Variants in TOP6BL observed in about 807,000 individuals in gnomAD.
TOP6BL encodes the protein TOP6B like initiator of meiotic double strand breaks, also known as type 2 DNA topoisomerase 6 subunit B-like.
At chr11:66,791,589 A>C in the TOP6BL span, among the ~76,000 whole-genome samples, 1 of 152,194 alleles carries the variant, frequency 6.6e-6, no homozygotes, top group Non-Finnish European at 1.5e-5. Flanking sequence ...ATTTGAAAAC[A>C]TACTTCTATA....
chr11:66,764,579 C>T, the TOP6BL span, among the ~76,000 whole-genome samples: 1 of 150,678 alleles, frequency 6.6e-6, no homozygotes, highest in East Asian at 1.9e-4. Context: ...GCAGGAGAAT[C>T]GCTTGAACCT....
At chr11:66,746,749 G>A in the TOP6BL span, among the ~76,000 whole-genome samples, 1 of 151,530 alleles carries the variant, frequency 6.6e-6, no homozygotes, top group Non-Finnish European at 1.5e-5. Flanking sequence ...GGTGGCAGGC[G>A]GCTGCACTTC....
the TOP6BL span, among the ~76,000 whole-genome samples, chr11:66,842,545 T>C: frequency 3.9e-5 from 6 of 152,228 alleles, no homozygotes; most frequent in East Asian, 3.9e-4. Context: ...GAGGGGAGCT[T>C]GTCAGTGCAG....
the TOP6BL span, among the ~76,000 whole-genome samples, chr11:66,762,637 T>A: frequency 0.011 from 1,644 of 152,114 alleles, 36 homozygotes; most frequent in African/African-American, 0.037. Flanking sequence ...CGCCCAGCTA[T>A]TTTTTGCATT....
the TOP6BL span, among the ~76,000 whole-genome samples, chr11:66,794,603 A>T: frequency 4.6e-5 from 7 of 152,070 alleles, no homozygotes; most frequent in Non-Finnish European, 1.0e-4. Flanking sequence ...AGATAATATA[A>T]ATAAGATACC....
At chr11:66,774,689 T>G in the TOP6BL span, among the ~76,000 whole-genome samples, 1 of 151,994 alleles carries the variant, frequency 6.6e-6, no homozygotes, top group Non-Finnish European at 1.5e-5. Context: ...GCCAGGATGG[T>G]CTCGATCTCC....
chr11:66,775,644 A>G, the TOP6BL span, among the ~76,000 whole-genome samples: 1 of 152,122 alleles, frequency 6.6e-6, no homozygotes, highest in Non-Finnish European at 1.5e-5. Flanking sequence ...TCTTGCTTAG[A>G]TGTGGCTCTT....
At chr11:66,757,709 C>T in the TOP6BL span, among the ~76,000 whole-genome samples, 3 of 152,226 alleles carry the variant, frequency 2.0e-5, no homozygotes, top group East Asian at 1.9e-4. Context: ...GCCTCAGTCT[C>T]CCAAGTAGCT....
At chr11:66,842,961 C>T in the TOP6BL span, 2 of 1,552,880 alleles carry the variant, frequency 1.3e-6, no homozygotes, top group Non-Finnish European at 1.7e-6. Context: ...CCGCCCCGCG[C>T]CGCCCGGAAG....
At chr11:66,764,439 G>T in the TOP6BL span, among the ~76,000 whole-genome samples, 2 of 148,840 alleles carry the variant, frequency 1.3e-5, no homozygotes, top group South Asian at 4.3e-4. Context: ...GGATCACAAG[G>T]TCAGGAGTTT....
chr11:66,832,327 C>T, the TOP6BL span, among the ~76,000 whole-genome samples: 6 of 152,234 alleles, frequency 3.9e-5, no homozygotes, highest in Non-Finnish European at 5.9e-5. Context: ...GTCTTGATCT[C>T]CTGACCTCGT....
At chr11:66,843,401 T>C in the TOP6BL span, 7 of 1,426,540 alleles carry the variant, frequency 4.9e-6, no homozygotes, top group East Asian at 2.7e-5. Flanking sequence ...CGGCCTGACG[T>C]CACCCACACC....
the TOP6BL span, among the ~76,000 whole-genome samples, chr11:66,749,909 G>A: frequency 1.3e-5 from 2 of 152,112 alleles, no homozygotes; most frequent in East Asian, 1.9e-4. Context: ...GGTAGGAAAC[G>A]TGGTGATACA....
At chr11:66,781,189 T>C in the TOP6BL span, among the ~76,000 whole-genome samples, 1 of 152,114 alleles carries the variant, frequency 6.6e-6, no homozygotes, top group East Asian at 1.9e-4. Context: ...ATTGCACATA[T>C]TTTAGACTGG....
the TOP6BL span, among the ~76,000 whole-genome samples, chr11:66,835,788 C>G: frequency 6.6e-6 from 1 of 152,302 alleles, no homozygotes; most frequent in South Asian, 2.1e-4. Context: ...TGATATACCA[C>G]ATTTTATCCA....
chr11:66,806,032 C>T, the TOP6BL span, among the ~76,000 whole-genome samples: 1 of 152,116 alleles, frequency 6.6e-6, no homozygotes, highest in African/African-American at 2.4e-5. Flanking sequence ...TATGGTGTCT[C>T]AAGACATCCT....
chr11:66,769,865 C>T, the TOP6BL span, among the ~76,000 whole-genome samples: 36 of 151,860 alleles, frequency 2.4e-4, no homozygotes, highest in Non-Finnish European at 4.9e-4. Flanking sequence ...CTCAGCCTCC[C>T]GAGTAGCTGG....
At chr11:66,781,861 T>C in the TOP6BL span, among the ~76,000 whole-genome samples, 19 of 152,170 alleles carry the variant, frequency 1.2e-4, no homozygotes, top group Non-Finnish European at 2.6e-4. Flanking sequence ...TTGCTTTTTT[T>C]CCCCCTTGAC....
At chr11:66,759,087 T>A in the TOP6BL span, 13 of 1,552,310 alleles carry the variant, frequency 8.4e-6, no homozygotes, top group Non-Finnish European at 1.1e-5. Flanking sequence ...CCTCAAGAAG[T>A]TCCTAAAAGG....
Sources: gnomAD v4.1 joint callset for allele counts (sites outside exome capture counted in the v4.1 genomes callset) on GRCh38, gnomAD v4.1.1 for gene constraint, MANE v1.5 for transcripts, NCBI Gene and HGNC (gene_info 2026-07-23, HGNC 2026-07-21) for gene names.